The following GALNTL6 variants were observed in gnomAD, a reference collection of about 807,000 sequenced individuals.
GALNTL6 encodes the protein polypeptide N-acetylgalactosaminyltransferase-like 6.
GALNTL6 carries 46 observed loss-of-function variants against 73.7 expected under a neutral mutation model. The ratio of observed to expected loss-of-function variants is 0.62; its 90% confidence interval spans 0.49 to 0.80. The LOEUF is 0.80. GALNTL6 is among the 30% of genes least tolerant of loss of function. The pLI is 0.00. For synonymous variants in GALNTL6, 259 were observed against 263.7 expected (o/e 0.98, Z 0.17); for missense variants, 604 against 755.0 (o/e 0.80, Z 2.34).
intron 2 of GALNTL6, among the ~76,000 whole-genome samples, chr4:172,022,706 A>T (rs7700075): frequency 0.36 from 54,528 of 151,826 alleles, 11,437 homozygotes; most frequent in South Asian, 0.52. Flanking sequence ...GGGGAAAAAA[A>T]AAACCCTCCA....
At chr4:172,138,514 T>TATATATATATATATATATATC (rs397956593) in intron 2 of GALNTL6, among the ~76,000 whole-genome samples, 1 of 4,040 alleles carries the variant, frequency 2.5e-4, no homozygotes, top group Non-Finnish European at 4.6e-4. Context: ...TATATATATA[T>TATATATATATATATATATATC]TTTTTTTTTT....
chr4:172,186,677 A>G (rs1735424957), intron 2 of GALNTL6, among the ~76,000 whole-genome samples: 1 of 152,126 alleles, frequency 6.6e-6, no homozygotes, highest in African/African-American at 2.4e-5. Flanking sequence ...AACTAAACAC[A>G]AAAGGTCATA....
chr4:172,636,933 A>G (rs1489263802), intron 5 of GALNTL6, among the ~76,000 whole-genome samples: 1 of 152,098 alleles, frequency 6.6e-6, no homozygotes, highest in Non-Finnish European at 1.5e-5. Context: ...GCTACACTTT[A>G]CATATATTAT....
intron 5 of GALNTL6, among the ~76,000 whole-genome samples, chr4:172,608,443 T>C (rs775789444): frequency 1.3e-5 from 2 of 151,974 alleles, no homozygotes; most frequent in Non-Finnish European, 2.9e-5. Flanking sequence ...TGGTTGTAGG[T>C]GAGTTGCTTT....
chr4:172,678,833 C>T (rs1250163115), intron 5 of GALNTL6, among the ~76,000 whole-genome samples: 1 of 152,126 alleles, frequency 6.6e-6, no homozygotes, highest in Non-Finnish European at 1.5e-5. Context: ...TATATTCTCC[C>T]ACCAATGTTG....
chr4:172,764,660 C>T (rs1404574767), intron 5 of GALNTL6, among the ~76,000 whole-genome samples: 1 of 151,986 alleles, frequency 6.6e-6, no homozygotes, highest in African/African-American at 2.4e-5. Context: ...TGATGGTATC[C>T]TGTGTGTATG....
At chr4:172,156,563 A>ATATATATATG (rs1560945774) in intron 2 of GALNTL6, among the ~76,000 whole-genome samples, 1 of 110,906 alleles carries the variant, frequency 9.0e-6, no homozygotes, top group African/African-American at 3.5e-5. Flanking sequence ...ATATATATAT[A>ATATATATATG]TATACATACT....
At chr4:172,347,858 C>G (rs925575848) in intron 4 of GALNTL6, among the ~76,000 whole-genome samples, 1 of 152,026 alleles carries the variant, frequency 6.6e-6, no homozygotes, top group Non-Finnish European at 1.5e-5. Context: ...AAAAATACTT[C>G]TTTTTCATCT....
intron 5 of GALNTL6, among the ~76,000 whole-genome samples, chr4:172,677,936 T>C (rs868341435): frequency 6.6e-6 from 1 of 151,844 alleles, no homozygotes; most frequent in East Asian, 1.9e-4. Context: ...GGAGCAAATG[T>C]GTTGAGAAGG....
intron 8 of GALNTL6, among the ~76,000 whole-genome samples, chr4:172,887,535 CT>C (rs1168944499): frequency 8.2e-6 from 1 of 121,964 alleles, no homozygotes; most frequent in Admixed American, 8.1e-5. Flanking sequence ...ATATTTTAAC[CT>C]TTTATTTATT....
intron 5 of GALNTL6, among the ~76,000 whole-genome samples, chr4:172,568,745 G>T (rs1344634767): frequency 2.0e-5 from 2 of 101,122 alleles, no homozygotes; most frequent in African/African-American, 8.0e-5. Context: ...GCCACAGAGC[G>T]AGACTCCATC....
At chr4:172,876,640 T>C (rs1745207275) in intron 7 of GALNTL6, among the ~76,000 whole-genome samples, 1 of 152,094 alleles carries the variant, frequency 6.6e-6, no homozygotes, top group African/African-American at 2.4e-5. Context: ...AGAATAGTCC[T>C]CTCTTATCCC....
rs58877326 is a variant in GALNTL6, at chr4:172,522,670, C to T, written c.553+173981C>T. 6.5e-3 allele frequency among the ~76,000 whole-genome samples: 392 copies of T among 60,484 alleles called. 6 individuals are homozygous for T. The highest frequency in any genetic ancestry group is 0.029 in the African/African-American group (377 of 13,022). 39.7% of individuals were successfully genotyped at this position (60,484 alleles called of 152,430 possible). A position where few individuals can be genotyped will look rare whatever the true frequency, so the allele number is the denominator to read the frequency against. On this transcript the variant is annotated intron_variant, in intron 5 of 12. Transcript: ENST00000506823. ...GGGTAACGAGTGAAACTCAGTCCCC[C>T]CCCCCCCCAAAAAAAAAGTGTATTT... is the stretch of plus-strand genomic sequence containing the variant.
At chr4:172,817,011 G>A (rs554972566) in intron 7 of GALNTL6, among the ~76,000 whole-genome samples, 1 of 151,716 alleles carries the variant, frequency 6.6e-6, no homozygotes, top group East Asian at 1.9e-4. Flanking sequence ...AGGAGGCTGA[G>A]GCAGGAGAAT....
chr4:172,796,159 T>C (rs2110944514), intron 5 of GALNTL6, among the ~76,000 whole-genome samples: 1 of 152,006 alleles, frequency 6.6e-6, no homozygotes, highest in Middle Eastern at 3.4e-3. Flanking sequence ...TATAATATTT[T>C]ATAAGCACAT....
At chr4:172,810,132 T>C (rs1741206659) in intron 6 of GALNTL6, among the ~76,000 whole-genome samples, 2 of 152,222 alleles carry the variant, frequency 1.3e-5, no homozygotes, top group African/African-American at 4.8e-5. Flanking sequence ...TGTATTTACA[T>C]AGATTCCTTC....
At chr4:172,062,770 G>C (rs1175256675) in intron 2 of GALNTL6, among the ~76,000 whole-genome samples, 2 of 152,176 alleles carry the variant, frequency 1.3e-5, no homozygotes, top group Non-Finnish European at 2.9e-5. Context: ...TGTACAGAGA[G>C]GGGAAAAATA....
intron 2 of GALNTL6, among the ~76,000 whole-genome samples, chr4:172,104,218 C>A (rs555200585): frequency 2.6e-5 from 4 of 152,182 alleles, no homozygotes; most frequent in Non-Finnish European, 4.4e-5. Context: ...GCTGGGATTA[C>A]AGGTGTGAGC....
At position 172,245,406 on chromosome 4, in the gene GALNTL6, A is replaced by G. The variant is rs923804686; in HGVS notation, c.247+15642A>G. On this transcript the variant is annotated intron_variant, in intron 3 of 12. Transcript: ENST00000506823. ...TGGGAGGAGTTAAAGTCATCCTTACATTTAGAGTTACAGTTTACATACTAA... is the reference window on the plus strand; with the variant it reads ...TGGGAGGAGTTAAAGTCATCCTTACGTTTAGAGTTACAGTTTACATACTAA... Among the ~76,000 whole-genome samples the G allele has an allele frequency of 2.0e-5, 3 of 152,164 alleles. No individual in the cohort carries two copies. In the East Asian group the frequency reaches 5.8e-4, roughly 29 times the overall value.
Sources: allele counts gnomAD v4.1 joint callset (sites outside exome capture counted in the v4.1 genomes callset), GRCh38; gene constraint gnomAD v4.1.1; transcripts MANE v1.5; gene names NCBI Gene and HGNC (gene_info 2026-07-23, HGNC 2026-07-21).